The following PTPRD variants were observed in gnomAD, a reference collection of about 807,000 sequenced individuals.
PTPRD encodes protein tyrosine phosphatase receptor type D.
A neutral mutation model predicts 214.5 loss-of-function variants in PTPRD; 34 were observed. That is an observed-to-expected ratio of 0.16 (90% CI 0.12 to 0.21). The LOEUF (loss-of-function observed/expected upper bound fraction) is 0.21. Among genes scored for constraint, PTPRD ranks in the 10% least tolerant of loss-of-function variants. The pLI, the probability that PTPRD is intolerant of heterozygous loss-of-function variation, is 1.00. For missense variants in PTPRD, 2,545 were observed against 2,398.7 expected (o/e 1.06, Z -1.27); for synonymous variants, 1,128 against 845.7 (o/e 1.33, Z -5.79).
intron 8 of PTPRD, among the ~76,000 whole-genome samples, chr9:9,520,483 T>A (rs764202724): frequency 2.6e-5 from 4 of 152,044 alleles, no homozygotes; most frequent in Non-Finnish European, 4.4e-5. Flanking sequence ...ATTTACACAT[T>A]CCCATGCATT....
At chr9:9,368,649 C>T (rs142828247) in intron 9 of PTPRD, among the ~76,000 whole-genome samples, 113 of 151,868 alleles carry the variant, frequency 7.4e-4, no homozygotes, top group African/African-American at 2.6e-3. Context: ...TTTTGGTGGA[C>T]TAATTCAGTT....
intron 9 of PTPRD, among the ~76,000 whole-genome samples, chr9:9,320,402 A>G (rs527387159): frequency 2.0e-5 from 3 of 152,308 alleles, no homozygotes; most frequent in African/African-American, 4.8e-5. Context: ...AGTTAAGCCT[A>G]TTCCTGAAAA....
At chr9:8,907,885 A>G (rs1202782737) in intron 11 of PTPRD, among the ~76,000 whole-genome samples, 1 of 152,152 alleles carries the variant, frequency 6.6e-6, no homozygotes, top group Non-Finnish European at 1.5e-5. Flanking sequence ...AGCAGAAAAA[A>G]TTGAAGAAGT....
intron 9 of PTPRD, among the ~76,000 whole-genome samples, chr9:9,202,965 T>G (rs1326200754): frequency 3.3e-5 from 5 of 152,228 alleles, no homozygotes; most frequent in Non-Finnish European, 5.9e-5. Flanking sequence ...TACATCACCT[T>G]TGTTATCCCC....
chr9:9,667,065 T>C (rs1166732472), intron 7 of PTPRD, among the ~76,000 whole-genome samples: 2 of 152,116 alleles, frequency 1.3e-5, no homozygotes, highest in African/African-American at 2.4e-5. Flanking sequence ...TTAGCCAGTC[T>C]TTAAGGTGGC....
intron 2 of PTPRD, among the ~76,000 whole-genome samples, chr9:10,576,448 G>A (rs2069361762): frequency 6.6e-6 from 1 of 152,020 alleles, no homozygotes; most frequent in Non-Finnish European, 1.5e-5. Context: ...ACCAATACAT[G>A]ATTTTTGGGC....
chr9:9,874,187 C>CA (rs1470690222), intron 5 of PTPRD, among the ~76,000 whole-genome samples: 1 of 152,104 alleles, frequency 6.6e-6, no homozygotes, highest in African/African-American at 2.4e-5. Flanking sequence ...GTCAAGGGGA[C>CA]ATGCCAGTGG....
At chr9:8,634,725 C>T (rs1401254682) in intron 13 of PTPRD, among the ~76,000 whole-genome samples, 1 of 151,936 alleles carries the variant, frequency 6.6e-6, no homozygotes, top group Non-Finnish European at 1.5e-5. Context: ...TATTTATGAT[C>T]ATTTTATGAT....
At chr9:9,984,823 C>A (rs1232110813) in intron 4 of PTPRD, among the ~76,000 whole-genome samples, 1 of 152,064 alleles carries the variant, frequency 6.6e-6, no homozygotes, top group African/African-American at 2.4e-5. Context: ...GTCAGGAGGA[C>A]AGTGCATTCT....
chr9:9,165,669 A>G (rs1168711882), intron 10 of PTPRD, among the ~76,000 whole-genome samples: 1 of 152,246 alleles, frequency 6.6e-6, no homozygotes, highest in Admixed American at 6.5e-5. Context: ...TGTACATATT[A>G]AAATAACTTA....
intron 8 of PTPRD, among the ~76,000 whole-genome samples, chr9:9,559,189 A>T (rs2154290788): frequency 6.6e-6 from 1 of 152,124 alleles, no homozygotes; most frequent in East Asian, 1.9e-4. Flanking sequence ...ACCCATCAAC[A>T]CACCCATCCC....
intron 7 of PTPRD, among the ~76,000 whole-genome samples, chr9:9,623,839 C>T (rs532562072): frequency 2.6e-5 from 4 of 152,296 alleles, no homozygotes; most frequent in East Asian, 3.9e-4. Flanking sequence ...AGAAACAGTG[C>T]TTCTTACAAC....
intron 3 of PTPRD, among the ~76,000 whole-genome samples, chr9:10,194,323 T>C (rs887475306): frequency 2.2e-5 from 1 of 45,908 alleles, no homozygotes. Context: ...TATTCATATA[T>C]ATATATATAT....
chr9:9,121,078 A>G (rs76377517), intron 10 of PTPRD, among the ~76,000 whole-genome samples: 2,162 of 152,312 alleles, frequency 0.014, 42 homozygotes, highest in East Asian at 0.07. Flanking sequence ...CAGGAGTCCA[A>G]TTTTCAGTTC....
intron 12 of PTPRD, among the ~76,000 whole-genome samples, chr9:8,676,586 G>C (rs1484298997): frequency 6.6e-6 from 1 of 151,010 alleles, no homozygotes; most frequent in Non-Finnish European, 1.5e-5. Context: ...TTGATTGTTT[G>C]TTTTTTGATG....
rs869246078 is a variant in PTPRD, at chr9:9,384,343, C to CTTTTTTTTTT, written c.-203+13096_-203+13105dup. ...GATGATATTTGAGCAGAAGACTAGGCTTTTTTTTTTTTTTTTTTTTTTTTT... is the reference window on the plus strand; with the variant it reads ...GATGATATTTGAGCAGAAGACTAGGCTTTTTTTTTTTTTTTTTTTTTTTTTTTTTTTTTTT... On this transcript the variant is annotated intron_variant, in intron 9 of 45. Coordinates refer to ENST00000381196, the MANE Select transcript of PTPRD (RefSeq NM_002839.4). Among the ~76,000 whole-genome samples, 24 of 33,318 alleles carry CTTTTTTTTTT rather than the reference C, an allele frequency of 7.2e-4. 10 individuals are homozygous for CTTTTTTTTTT. Among genetic ancestry groups the CTTTTTTTTTT allele is most frequent in the South Asian group, 3.7e-3 (2 of 544 alleles). 21.9% of individuals were successfully genotyped at this position (33,318 alleles called of 152,430 possible).
chr9:10,065,050 T>C (rs762539520), intron 3 of PTPRD, among the ~76,000 whole-genome samples: 24 of 151,762 alleles, frequency 1.6e-4, no homozygotes, highest in Non-Finnish European at 3.1e-4. Context: ...TTTCAAAGCA[T>C]ACATAGTAAT....
chr9:8,933,074 C>G (rs1298660628), intron 11 of PTPRD, among the ~76,000 whole-genome samples: 1 of 151,988 alleles, frequency 6.6e-6, no homozygotes. Flanking sequence ...CCAGAGTGCA[C>G]CGTTCCTCAT....
intron 8 of PTPRD, among the ~76,000 whole-genome samples, chr9:9,439,585 G>T (rs2086702131): frequency 6.6e-6 from 1 of 152,058 alleles, no homozygotes; most frequent in South Asian, 2.1e-4. Flanking sequence ...AGCCCTTTCA[G>T]CCCCCAGATT....
Sources: allele counts gnomAD v4.1 joint callset (sites outside exome capture counted in the v4.1 genomes callset), GRCh38; gene constraint gnomAD v4.1.1; transcripts MANE v1.5; gene names NCBI Gene and HGNC (gene_info 2026-07-23, HGNC 2026-07-21).